The following SNX24 variants were observed in gnomAD, a reference collection of about 807,000 sequenced individuals.
The protein encoded by SNX24 is sorting nexin-24.
SNX24 carries 22 observed loss-of-function variants against 28.7 expected under a neutral mutation model. That is an observed-to-expected ratio of 0.77 (90% CI 0.55 to 1.10). The LOEUF (loss-of-function observed/expected upper bound fraction) is 1.10, where lower values mean the gene tolerates loss of function less well. Among genes scored for constraint, SNX24 ranks in the 50% least tolerant of loss-of-function variants. SNX24 has a pLI of 0.00. For synonymous variants in SNX24, 69 were observed against 71.5 expected (o/e 0.96, Z 0.18); for missense variants, 221 against 201.1 (o/e 1.10, Z -0.60).
At chr5:122,881,228 TA>T (rs1554068937) in intron 1 of SNX24, among the ~76,000 whole-genome samples, 31 of 59,440 alleles carry the variant, frequency 5.2e-4, no homozygotes, top group African/African-American at 4.7e-3. Context: ...TGATTTTTTT[TA>T]AAAAACATTT....
intron 6 of SNX24, among the ~76,000 whole-genome samples, chr5:123,005,309 C>T (rs1464745968): frequency 6.6e-6 from 1 of 152,218 alleles, no homozygotes; most frequent in Non-Finnish European, 1.5e-5. Flanking sequence ...TCAGCACTTG[C>T]TGTTCCCTCT....
At chr5:122,955,629 A>T (rs1034938694) in intron 3 of SNX24, among the ~76,000 whole-genome samples, 3 of 152,146 alleles carry the variant, frequency 2.0e-5, no homozygotes, top group Non-Finnish European at 1.5e-5. Context: ...CCTCGTTGAT[A>T]CCTGGAGGGT....
intron 1 of SNX24, among the ~76,000 whole-genome samples, chr5:122,889,709 G>GTA (rs559518023): frequency 0.013 from 1,387 of 110,116 alleles, 28 homozygotes; most frequent in African/African-American, 0.05. Context: ...GTATATATAT[G>GTA]TATATATATA....
downstream of SNX24, among the ~76,000 whole-genome samples, chr5:123,010,625 TAA>T (rs1308709794): frequency 1.3e-5 from 2 of 152,138 alleles, no homozygotes; most frequent in African/African-American, 4.8e-5. Flanking sequence ...GAAAATTTAA[TAA>T]AAAATATATA....
intron 1 of SNX24, among the ~76,000 whole-genome samples, chr5:122,879,075 A>G (rs1756361801): frequency 6.6e-6 from 1 of 152,242 alleles, no homozygotes; most frequent in African/African-American, 2.4e-5. Context: ...TTGTAATAAT[A>G]TATTTGATTT....
At chr5:122,973,689 A>G (rs1039821621) in intron 3 of SNX24, among the ~76,000 whole-genome samples, 4 of 152,162 alleles carry the variant, frequency 2.6e-5, no homozygotes, top group Admixed American at 2.6e-4. Flanking sequence ...GGCTAGATGG[A>G]TCAAAAAGCA....
intron 3 of SNX24, among the ~76,000 whole-genome samples, chr5:122,999,620 A>G (rs567760916): frequency 5.6e-4 from 85 of 152,304 alleles, no homozygotes; most frequent in African/African-American, 1.7e-3. Context: ...AACCATTTCT[A>G]CCTGGCTCCC....
At chr5:122,875,057 C>T (rs981367309) in intron 1 of SNX24, among the ~76,000 whole-genome samples, 3 of 152,110 alleles carry the variant, frequency 2.0e-5, no homozygotes, top group Non-Finnish European at 2.9e-5. Context: ...CAGTTCATAC[C>T]ATAAGCCCCT....
intron 1 of SNX24, among the ~76,000 whole-genome samples, chr5:122,883,619 G>A (rs1446012423): frequency 6.6e-6 from 1 of 152,028 alleles, no homozygotes; most frequent in Non-Finnish European, 1.5e-5. Context: ...TGTCAGAAAT[G>A]TATTACTCAG....
At chr5:122,912,451 A>G (rs1293032362) in intron 1 of SNX24, among the ~76,000 whole-genome samples, 1 of 152,000 alleles carries the variant, frequency 6.6e-6, no homozygotes, top group Non-Finnish European at 1.5e-5. Flanking sequence ...TCCTAATTGA[A>G]TACCCTTTAT....
At chr5:122,877,910 G>A (rs1266875881) in intron 1 of SNX24, among the ~76,000 whole-genome samples, 1 of 152,020 alleles carries the variant, frequency 6.6e-6, no homozygotes, top group African/African-American at 2.4e-5. Flanking sequence ...GGAGCCCTCA[G>A]GCCATGCTTT....
At chr5:123,007,046 C>T (rs1480122077) in intron 6 of SNX24, among the ~76,000 whole-genome samples, 1 of 152,040 alleles carries the variant, frequency 6.6e-6, no homozygotes, top group African/African-American at 2.4e-5. Flanking sequence ...CACATTTTAC[C>T]TACTGTAATG....
rs916463195 is a variant in SNX24 at position 122,848,016 on chromosome 5, AT to A, written c.60+2324del. 6.2e-4 allele frequency among the ~76,000 whole-genome samples: 94 copies of A among 152,362 alleles called. 1 individual carries two copies. Among genetic ancestry groups the A allele is most frequent in the African/African-American group, 2.2e-3 (91 of 41,584 alleles). ...TAAAAAAAACCCCAGAATTTAAAAA[AT>A]ATTTCAGTTTCCTAAATAAGAAGCT... On this transcript the variant is annotated intron_variant, in intron 1 of 6. Coordinates refer to ENST00000261369, the MANE Select transcript of SNX24 (RefSeq NM_014035.4).
At chr5:123,026,803 C>T (rs1251229263) in intron 5 of SNX24, among the ~76,000 whole-genome samples, 3 of 152,180 alleles carry the variant, frequency 2.0e-5, no homozygotes, top group Admixed American at 6.5e-5. Context: ...AGGATCTGAC[C>T]ATCCTCCAAT....
At chr5:123,015,976 C>CATTTAAAAGTATTCTAAGT (rs1762672352) in intron 5 of SNX24, among the ~76,000 whole-genome samples, 1 of 152,022 alleles carries the variant, frequency 6.6e-6, no homozygotes, top group Non-Finnish European at 1.5e-5. Flanking sequence ...AAAAATATAC[C>CATTTAAAAGTATTCTAAGT]ATTCACTTAG....
chr5:122,960,545 T>C (rs1760445057), intron 3 of SNX24, among the ~76,000 whole-genome samples: 1 of 152,208 alleles, frequency 6.6e-6, no homozygotes, highest in Admixed American at 6.5e-5. Context: ...GTACATATTT[T>C]CACCTTTTTC....
At chr5:122,913,765 G>A (rs1177549364) in intron 1 of SNX24, among the ~76,000 whole-genome samples, 2 of 152,166 alleles carry the variant, frequency 1.3e-5, no homozygotes, top group African/African-American at 4.8e-5. Context: ...AGGCGGCTGG[G>A]AGGTGGAGGT....
At chr5:122,994,590 T>C (rs1761984387) in intron 3 of SNX24, among the ~76,000 whole-genome samples, 1 of 152,204 alleles carries the variant, frequency 6.6e-6, no homozygotes, top group African/African-American at 2.4e-5. Context: ...AATTGGGATT[T>C]TGTGATTTGT....
intron 6 of SNX24, 109 bp downstream of exon 6, chr5:123,002,113 T>C: frequency 1.2e-6 from 1 of 864,014 alleles, no homozygotes; most frequent in Non-Finnish European, 2.0e-6. Flanking sequence ...CCGGGCTTAA[T>C]AATCTGCCAA....
Sources: gnomAD v4.1 joint callset for allele counts (sites outside exome capture counted in the v4.1 genomes callset) on GRCh38, gnomAD v4.1.1 for gene constraint, MANE v1.5 for transcripts, NCBI Gene and HGNC (gene_info 2026-07-23, HGNC 2026-07-21) for gene names.